SULF1: variants seen among roughly 807,000 people sequenced by gnomAD.
The protein encoded by SULF1 is extracellular sulfatase Sulf-1.
A neutral mutation model predicts 110.5 loss-of-function variants in SULF1; 46 were observed. The ratio of observed to expected loss-of-function variants is 0.42; its 90% CI spans 0.33 to 0.53. The LOEUF (loss-of-function observed/expected upper bound fraction) is 0.53, where lower values mean the gene tolerates loss of function less well. Ranked by LOEUF, SULF1 falls within the 20% of genes least tolerant of loss-of-function variation. The pLI, the probability that SULF1 is intolerant of heterozygous loss-of-function variation, is 0.12. For missense variants in SULF1, 941 were observed against 1,094.2 expected, an observed-to-expected ratio of 0.86 and a Z score of 1.98; for synonymous variants, 371 against 387.1, an observed-to-expected ratio of 0.96 and a Z score of 0.49.
intron 3 of SULF1, among the ~76,000 whole-genome samples, chr8:69,503,221 T>C (rs555943864): frequency 1.1e-3 from 172 of 152,330 alleles, no homozygotes; most frequent in African/African-American, 3.6e-3. Context: ...TGGTTCAAAG[T>C]GTATAAGACA....
intron 13 of SULF1, among the ~76,000 whole-genome samples, chr8:69,620,255 C>G (rs1390165948): frequency 6.6e-6 from 1 of 152,180 alleles, no homozygotes; most frequent in Non-Finnish European, 1.5e-5. Context: ...GTCTCCTCAT[C>G]TCCTTGTCTG....
intron 13 of SULF1, among the ~76,000 whole-genome samples, chr8:69,615,786 A>T (rs960704579): frequency 7.9e-5 from 12 of 152,168 alleles, no homozygotes; most frequent in African/African-American, 2.9e-4. Context: ...AATTTGGCTA[A>T]TGGGAAATTC....
chr8:69,651,381 T>C (rs980972786), intron 22 of SULF1, among the ~76,000 whole-genome samples: 8 of 152,116 alleles, frequency 5.3e-5, no homozygotes, highest in African/African-American at 1.9e-4. Flanking sequence ...CCTACAGATA[T>C]GTAGAGATAT....
At chr8:69,627,037 A>T (rs1810130259) in intron 15 of SULF1, among the ~76,000 whole-genome samples, 173 bp from the exon 16 acceptor site, 4 of 152,240 alleles carry the variant, frequency 2.6e-5, no homozygotes, top group Admixed American at 2.6e-4. Context: ...CACGACTGCC[A>T]GCACGCTGTC....
Position 69,660,682 on chromosome 8 carries a change from G to A in SULF1, c.*2147G>A, listed in dbSNP as rs935817232. On this transcript the variant is annotated 3_prime_UTR_variant, in exon 23 of 23. Coordinates refer to ENST00000402687, the MANE Select transcript of SULF1 (RefSeq NM_001128205.2). ...ACTTTAAATCTTTATCATAGACTCT[G>A]TACATATGTTCAAATTAGCTGCTTG... is the stretch of plus-strand genomic sequence containing the variant. 3 of 152,558 alleles carry A rather than the reference G, an allele frequency of 2.0e-5. No individual in the cohort carries two copies. The highest frequency in any genetic ancestry group is 4.8e-5 in the African/African-American group (2 of 41,420). The allele number at this position is 152,558 out of a possible 1,614,324, so 9.5% of individuals were successfully genotyped here.
intron 13 of SULF1, among the ~76,000 whole-genome samples, chr8:69,608,022 G>T (rs1808364088): frequency 1.3e-5 from 2 of 152,188 alleles, no homozygotes; most frequent in Admixed American, 6.5e-5. Flanking sequence ...CCCAGAGATA[G>T]TGAATGCCCC....
At chr8:69,477,679 A>T (rs1254815676) in intron 1 of SULF1, among the ~76,000 whole-genome samples, 1 of 152,140 alleles carries the variant, frequency 6.6e-6, no homozygotes, top group Non-Finnish European at 1.5e-5. Context: ...AGAAATCTGG[A>T]TTCTAGAACT....
chr8:69,545,069 A>C (rs1028902356), intron 3 of SULF1, among the ~76,000 whole-genome samples: 1 of 145,324 alleles, frequency 6.9e-6, no homozygotes, highest in Non-Finnish European at 1.5e-5. Flanking sequence ...AAAAATTATA[A>C]AAAGATAAAG....
intron 22 of SULF1, among the ~76,000 whole-genome samples, chr8:69,648,839 T>C (rs962818903): frequency 6.6e-6 from 1 of 152,258 alleles, no homozygotes; most frequent in African/African-American, 2.4e-5. Context: ...GAATATAGCA[T>C]GATGTAATTC....
chr8:69,509,611 T>C (rs78649130), intron 3 of SULF1, among the ~76,000 whole-genome samples: 2,147 of 152,312 alleles, frequency 0.014, 60 homozygotes, highest in African/African-American at 0.049. Context: ...TTGGCTCCTG[T>C]TGGGCACTAA....
At chr8:69,610,745 GC>G (rs1808583747) in intron 13 of SULF1, among the ~76,000 whole-genome samples, 1 of 152,190 alleles carries the variant, frequency 6.6e-6, no homozygotes, top group Non-Finnish European at 1.5e-5. Context: ...GTATAATACA[GC>G]CCCATTCTGC....
chr8:69,640,010 C>T (rs887581223), intron 21 of SULF1, among the ~76,000 whole-genome samples: 2 of 151,896 alleles, frequency 1.3e-5, no homozygotes, highest in African/African-American at 4.8e-5. Flanking sequence ...TGACCCCACT[C>T]GGCTCAAATC....
intron 3 of SULF1, among the ~76,000 whole-genome samples, chr8:69,525,143 C>G (rs1415654850): frequency 1.3e-5 from 2 of 152,066 alleles, no homozygotes; most frequent in Non-Finnish European, 2.9e-5. Context: ...AGGAGATGAT[C>G]AAATTTTTTT....
In SULF1 at chr8:69,616,243, G is replaced by A. The variant is rs545608405; in HGVS notation, c.1378-4792G>A. On this transcript the variant is annotated intron_variant, in intron 13 of 22. Transcript: ENST00000402687. The stretch of plus-strand genomic sequence containing the variant: ...ATATATATATATATTTTTTTGAGAC[G>A]GAGTCTTGCTCTGTCACCCAGGCTG... Among the ~76,000 whole-genome samples, 25 of 145,064 alleles carry A rather than the reference G, an allele frequency of 1.7e-4. No individual in the cohort carries two copies. In the South Asian group the frequency reaches 4.7e-3, roughly 27 times the overall value.
chr8:69,627,729 A>C lies in SULF1; in HGVS notation c.1948-43A>C, dbSNP rs57162858. 3,437 of 1,328,504 alleles carry C rather than the reference A, an allele frequency of 2.6e-3. 74 individuals are homozygous for C. The African/African-American group carries it at 0.045, about 17-fold the overall frequency. The allele number at this position is 1,328,504 out of a possible 1,614,324, so 82.3% of individuals were successfully genotyped here. On this transcript the variant is annotated intron_variant, in intron 16 of 22. Transcript: ENST00000402687. ...AAAAGAAAAGTACTTTGTAAAGAAAATCCTGATCTTAATACGTAAGTGCTT... is the reference window on the plus strand; with the variant it reads ...AAAAGAAAAGTACTTTGTAAAGAAACTCCTGATCTTAATACGTAAGTGCTT...
At chr8:69,517,770 A>G (rs560943876) in intron 3 of SULF1, among the ~76,000 whole-genome samples, 21 of 152,346 alleles carry the variant, frequency 1.4e-4, no homozygotes, top group Admixed American at 7.2e-4. Context: ...CAGTTTCTCT[A>G]TATTTTCATT....
At chr8:69,581,337 T>C (rs2150754759) in intron 6 of SULF1, among the ~76,000 whole-genome samples, 1 of 152,366 alleles carries the variant, frequency 6.6e-6, no homozygotes, top group African/African-American at 2.4e-5. Flanking sequence ...TAGTCACTAT[T>C]GCTGGCTTTA....
intron 15 of SULF1, 110 bp downstream of exon 15, chr8:69,624,307 A>G: frequency 1.4e-6 from 2 of 1,429,908 alleles, no homozygotes; most frequent in South Asian, 1.5e-5. Flanking sequence ...TTGGCAATAC[A>G]GTGCCTGAGG....
In SULF1 at chr8:69,658,820, A is replaced by G; in HGVS notation, c.*285A>G. On this transcript the variant is annotated 3_prime_UTR_variant, in exon 23 of 23. Transcript: ENST00000402687. ...GCTGACTCAGATGAAGACCCAAGGCATAAGGTTGGGAAAACACCTCATTTG... is the reference window on the plus strand; with the variant it reads ...GCTGACTCAGATGAAGACCCAAGGCGTAAGGTTGGGAAAACACCTCATTTG... 1 of 600,782 alleles carries G rather than the reference A, an allele frequency of 1.7e-6. No individual in the cohort carries two copies. Among genetic ancestry groups the G allele is most frequent in the Non-Finnish European group, 3.1e-6 (1 of 320,090 alleles). The allele number at this position is 600,782 out of a possible 1,614,324, so 37.2% of individuals were successfully genotyped here.
Sources: gnomAD v4.1 joint callset for allele counts (sites outside exome capture counted in the v4.1 genomes callset) on GRCh38, gnomAD v4.1.1 for gene constraint, MANE v1.5 for transcripts, NCBI Gene and HGNC (gene_info 2026-07-23, HGNC 2026-07-21) for gene names.